ADAMTS7: variants seen among roughly 807,000 people sequenced by gnomAD.
ADAMTS7 encodes the protein ADAM metallopeptidase with thrombospondin type 1 motif 7.
A neutral mutation model predicts 172.6 loss-of-function variants in ADAMTS7; 89 were observed. That is an observed-to-expected ratio of 0.52 (90% CI 0.43 to 0.61). The LOEUF (loss-of-function observed/expected upper bound fraction) is 0.61, where lower values mean the gene tolerates loss of function less well. ADAMTS7 is among the 20% of genes least tolerant of loss of function. The pLI is 0.00. For missense variants in ADAMTS7, 1,973 were observed against 2,355.6 expected, an observed-to-expected ratio of 0.84 and a Z score of 3.36; for synonymous variants, 885 against 978.4, an observed-to-expected ratio of 0.90 and a Z score of 1.78.
chr15:78,802,596 C>T (rs1174692522), intron 1 of ADAMTS7, among the ~76,000 whole-genome samples: 1 of 152,222 alleles, frequency 6.6e-6, no homozygotes, highest in Non-Finnish European at 1.5e-5. Context: ...AAAAACCCCT[C>T]TCTGTTGCTC....
intron 23 of ADAMTS7, 184 bp downstream of exon 23, chr15:78,762,214 CCAGCA>C: frequency 1.4e-6 from 1 of 731,130 alleles, no homozygotes; most frequent in Non-Finnish European, 1.7e-6. Flanking sequence ...TGACTGACTC[CCAGCA>C]CAGCCCAGCC....
intron 1 of ADAMTS7, among the ~76,000 whole-genome samples, chr15:78,808,686 C>T (rs1202770099): frequency 6.6e-6 from 1 of 152,152 alleles, no homozygotes; most frequent in South Asian, 2.1e-4. Flanking sequence ...TAGCACCACC[C>T]AGTGCCAGCA....
chr15:78,774,575 C>G lies in ADAMTS7; in HGVS notation c.1876+49G>C, dbSNP rs751024421. ...ATCACAGGGTAACCTTGGACCCACA[C>G]ACCCCCAGCCCTCTAAGCCTCAATG... On this transcript the variant is annotated intron_variant, in intron 12 of 23. Transcript: ENST00000388820. 5.6e-6 allele frequency: 9 copies of G among 1,610,600 alleles called. No individual in the cohort carries two copies. The East Asian group carries it at 8.9e-5, about 16-fold the overall frequency.
intron 1 of ADAMTS7, among the ~76,000 whole-genome samples, chr15:78,801,684 G>C (rs1383966064): frequency 2.0e-5 from 3 of 151,650 alleles, no homozygotes; most frequent in Admixed American, 2.0e-4. Flanking sequence ...CTTTGCCCCT[G>C]CTTTTTTTTT....
intron 16 of ADAMTS7, among the ~76,000 whole-genome samples, chr15:78,770,111 C>T (rs1270146931): frequency 1.3e-5 from 2 of 151,710 alleles, no homozygotes; most frequent in Non-Finnish European, 2.9e-5. Context: ...TGCAGTGAGC[C>T]GAGATTGTGC....
intron 7 of ADAMTS7, among the ~76,000 whole-genome samples, chr15:78,788,588 G>C (rs2055538291): frequency 6.6e-6 from 1 of 152,234 alleles, no homozygotes; most frequent in African/African-American, 2.4e-5. Flanking sequence ...TATCCCAAGG[G>C]CTCCTGTTCC....
At position 78,776,214 on chromosome 15, in the gene ADAMTS7, G is replaced by A. The variant is rs755657368; in HGVS notation, c.1680C>T (p.Ser560=). The change falls in exon 11 of 24, where the codon AGC becomes AGT. Residue 560 remains serine, a synonymous_variant. Coordinates refer to ENST00000388820, the MANE Select transcript of ADAMTS7 (RefSeq NM_014272.5). ...TAGGCTGCGTGCACTGCCGCTCGGC[G>A]CTCTGTACGCCCATGCCACAGCTCC... ...CSRSCGMGVQ[S]AERQCTQPTP... The A allele has an allele frequency of 8.1e-6, 13 of 1,611,130 alleles. No homozygotes were observed. Among genetic ancestry groups the A allele is most frequent in the Middle Eastern group, 2.2e-4 (1 of 4,498 alleles).
rs759491085 is a variant in ADAMTS7, at chr15:78,771,767, C to T, written c.2194G>A (p.Glu732Lys). 7.4e-6 allele frequency: 12 copies of T among 1,612,538 alleles called. No individual in the cohort carries two copies. The Admixed American group carries it at 1.0e-4, about 13-fold the overall frequency. ...CGCAGTGCCAGGAAGTTGGCAGCCT[C>T]GGCAACCTCTTGGATGCGGATCTCG... ...AREIRIQEVA[E>K]AANFLALRSE... Residue 732 changes from glutamate to lysine, a missense_variant, in exon 15 of 24, where the codon GAG becomes AAG. Physicochemically the swap from Glu to Lys is moderately conservative, Grantham distance 56. Transcript: ENST00000388820. The surrounding 1 kb of genome is among the most constrained non-coding windows in gnomAD (Gnocchi z 4.9).
chr15:78,782,801 G>C (rs969246928), intron 8 of ADAMTS7, among the ~76,000 whole-genome samples: 7 of 152,066 alleles, frequency 4.6e-5, no homozygotes, highest in Admixed American at 1.3e-4. Context: ...AGACAGTAGG[G>C]CTGAAAGTCT....
In ADAMTS7 at chr15:78,765,830, C is replaced by G. The variant is rs2055133463; in HGVS notation, c.4081G>C (p.Glu1361Gln). Residue 1361 changes from glutamate (E) to glutamine (Q), a missense_variant, in exon 19 of 24, where the codon GAG becomes CAG. By Grantham distance (29) the Glu-to-Gln change is conservative (BLOSUM62 2). Around this residue, in one of 8 missense-constraint regions of ADAMTS7, gnomAD observed 771 missense variants for 952.6 expected, o/e 0.81. Transcript: ENST00000388820. Reference sequence around the variant, plus strand: ...AGGGGCACCTCAGGGCTGAGGGACTCAGGCTGACCCTTGGGTCCTGGGTTC... The same window carrying G: ...AGGGGCACCTCAGGGCTGAGGGACTGAGGCTGACCCTTGGGTCCTGGGTTC... Reference protein sequence around the residue: ...ALNPGPKGQPESLSPEVPLSS... With the variant: ...ALNPGPKGQPQSLSPEVPLSS... 6.4e-7 allele frequency: 1 copy of G among 1,551,888 alleles called. No individual in the cohort carries two copies. The highest frequency in any genetic ancestry group is 1.8e-5 in the Admixed American group (1 of 54,864).
In ADAMTS7 at chr15:78,763,850, G is replaced by C. The variant is rs572718001; in HGVS notation, c.4594-5C>G. The C allele has an allele frequency of 3.1e-4, 495 of 1,582,084 alleles. No individual in the cohort carries two copies. Among genetic ancestry groups the C allele is most frequent in the Non-Finnish European group, 4.0e-4 (467 of 1,167,954 alleles). On this transcript the variant is annotated splice_polypyrimidine_tract_variant and splice_region_variant and intron_variant, in intron 21 of 23. Transcript: ENST00000388820. ...ACCGCCACAGGCCTCGGAGCACTGG[G>C]TGGGCAGGGAAGGAGTCAGGGCACA...
intron 11 of ADAMTS7, among the ~76,000 whole-genome samples, chr15:78,775,552 C>A (rs1277808459): frequency 6.6e-6 from 1 of 151,664 alleles, no homozygotes; most frequent in African/African-American, 2.4e-5. Flanking sequence ...ACCCCCTGCA[C>A]CCCCACCCCC....
At chr15:78,801,180 G>A (rs75275382) in intron 1 of ADAMTS7, among the ~76,000 whole-genome samples, 2,083 of 152,252 alleles carry the variant, frequency 0.014, 45 homozygotes, top group African/African-American at 0.047. Context: ...GTCTTACTCT[G>A]CTCATCGTCT....
At chr15:78,768,060 T>TTGGCGGGGGATGGGGGGGGGAGG in intron 17 of ADAMTS7, 73 bp downstream of exon 17, 1 of 876,810 alleles carries the variant, frequency 1.1e-6, no homozygotes, top group Non-Finnish European at 1.6e-6. Flanking sequence ...GGGTGGGGAG[T>TTGGCGGGGGATGGGGGGGGGAGG]TGGCGGGGGA....
rs1252408093 is a variant in ADAMTS7 at position 78,771,322 on chromosome 15, G to A, written c.2377-19C>T. The A allele has an allele frequency of 1.9e-6, 3 of 1,611,786 alleles. No homozygotes were observed. The highest frequency in any genetic ancestry group is 2.2e-5 in the East Asian group (1 of 44,832). On this transcript the variant is annotated intron_variant, in intron 15 of 23. Coordinates refer to ENST00000388820, the MANE Select transcript of ADAMTS7 (RefSeq NM_014272.5). This position sits in a 1 kb window ranked among gnomAD's most constrained non-coding sequence, Gnocchi z 4.9. ...ACAGCAGCTGGGTGGGCAGGCGGGGGCCCATGAGCACAAGGTGTCTTCTCC... is the reference window on the plus strand; with the variant it reads ...ACAGCAGCTGGGTGGGCAGGCGGGGACCCATGAGCACAAGGTGTCTTCTCC...
At chr15:78,795,084 C>T (rs1312467599) in intron 4 of ADAMTS7, among the ~76,000 whole-genome samples, 1 of 152,218 alleles carries the variant, frequency 6.6e-6, no homozygotes, top group East Asian at 1.9e-4. Flanking sequence ...GTGAAATGAA[C>T]CCAGTTAACC....
chr15:78,800,609 G>A (rs917625975), intron 1 of ADAMTS7, 62 bp from the exon 2 acceptor site: 5 of 1,508,776 alleles, frequency 3.3e-6, no homozygotes, highest in Admixed American at 2.0e-5. Flanking sequence ...GCTGGTGGCC[G>A]GGGACCAGAA....
At chr15:78,799,513 G>T (rs1160472912) in intron 2 of ADAMTS7, among the ~76,000 whole-genome samples, 1 of 130,726 alleles carries the variant, frequency 7.6e-6, no homozygotes, top group Non-Finnish European at 1.8e-5. Context: ...GCTGAAAGGG[G>T]TTCCTCACCA....
rs1231908522 is a variant in ADAMTS7, at chr15:78,771,824, C to T, written c.2137G>A (p.Val713Met). The change falls in exon 15 of 24, where the codon GTG (valine) becomes ATG (methionine). Residue 713 changes from valine to methionine, a missense_variant. This residue lies in a region of ADAMTS7 where 771 missense variants were observed against 952.6 expected (regional missense o/e 0.81). Transcript: ENST00000388820. This position sits in a 1 kb window ranked among gnomAD's most constrained non-coding sequence, Gnocchi z 4.9. ...TFEEAEGLGY[V>M]DVGLIPAGAR... The stretch of plus-strand genomic sequence containing the variant: ...CCCGCTGGGATCAGCCCCACATCCA[C>T]ATACCCTGTCAGCCAAGGGTTGTGC... 1.2e-6 allele frequency: 2 copies of T among 1,610,410 alleles called. No homozygotes were observed. The highest frequency in any genetic ancestry group is 1.7e-6 in the Non-Finnish European group (2 of 1,179,826).
Sources: gnomAD v4.1 joint callset for allele counts (sites outside exome capture counted in the v4.1 genomes callset) on GRCh38, gnomAD v4.1.1 for gene constraint, gnomAD v4.1.1 regional missense constraint, Gnocchi (gnomAD v3.1) non-coding constraint, MANE v1.5 for transcripts, NCBI Gene and HGNC (gene_info 2026-07-23, HGNC 2026-07-21) for gene names.